CRACD: variants seen among roughly 807,000 people sequenced by gnomAD.
The protein encoded by CRACD is capping protein inhibiting regulator of actin dynamics.
Under a neutral mutation model 106.8 loss-of-function variants are expected in CRACD, and 56 were observed. That is an observed-to-expected ratio of 0.52 (90% CI 0.42 to 0.66). The LOEUF is 0.66. Ranked by LOEUF, CRACD falls within the 30% of genes least tolerant of loss-of-function variation. The pLI is 0.00. For missense variants in CRACD, 1,730 were observed against 1,623.2 expected, an observed-to-expected ratio of 1.07 and a Z score of -1.13; for synonymous variants, 754 against 670.8, an observed-to-expected ratio of 1.12 and a Z score of -1.92.
At chr4:56,199,562 A>G (rs1737783644) in intron 2 of CRACD, among the ~76,000 whole-genome samples, 3 of 151,750 alleles carry the variant, frequency 2.0e-5, no homozygotes, top group Admixed American at 2.0e-4. Flanking sequence ...TGCACCTGTA[A>G]TCCCAGCTAC....
At chr4:56,181,529 T>C (rs1736820198) in intron 2 of CRACD, among the ~76,000 whole-genome samples, 1 of 152,180 alleles carries the variant, frequency 6.6e-6, no homozygotes. Flanking sequence ...ACCATATTAA[T>C]TTGCTAGGAC....
Position 56,301,121 on chromosome 4 carries a change from G to A in CRACD, c.120+2772G>A, listed in dbSNP as rs1744342339. The A allele has an allele frequency of 1.5e-5, 10 of 652,234 alleles. 1 individual carries two copies. The South Asian group carries it at 1.6e-4, about 11-fold the overall frequency. The allele number at this position is 652,234 out of a possible 1,614,324, so 40.4% of individuals were successfully genotyped here. ...ACATAAAAGGCTTTGTTCATTCTTT[G>A]AGGAGGGAAATGGGGACCATTATCA... On this transcript the variant is annotated intron_variant, in intron 4 of 10. Transcript: ENST00000682029.
At chr4:56,236,076 C>CTTA (rs1739951043) in intron 2 of CRACD, among the ~76,000 whole-genome samples, 1 of 152,148 alleles carries the variant, frequency 6.6e-6, no homozygotes, top group Admixed American at 6.5e-5. Flanking sequence ...CAGAATGTGA[C>CTTA]CTTACTTATT....
intron 10 of CRACD, among the ~76,000 whole-genome samples, chr4:56,324,955 T>TTGTA (rs1746333234): frequency 6.6e-6 from 1 of 152,192 alleles, no homozygotes; most frequent in East Asian, 1.9e-4. Context: ...TATACATTAT[T>TTGTA]TGTATGTATT....
At chr4:56,150,393 T>A (rs1345575393) in intron 1 of CRACD, among the ~76,000 whole-genome samples, 2 of 152,198 alleles carry the variant, frequency 1.3e-5, no homozygotes, top group East Asian at 1.9e-4. Context: ...TTTACAATTA[T>A]GAAATATATA....
intron 1 of CRACD, among the ~76,000 whole-genome samples, chr4:56,163,746 G>A (rs905601524): frequency 2.6e-5 from 4 of 150,944 alleles, no homozygotes; most frequent in African/African-American, 9.8e-5. Flanking sequence ...AGTTCTTTGT[G>A]TGTATCTTTT....
chr4:56,252,710 C>G (rs1163471375), intron 2 of CRACD, among the ~76,000 whole-genome samples: 2 of 152,204 alleles, frequency 1.3e-5, no homozygotes, highest in South Asian at 2.1e-4. Context: ...GTGCATATTC[C>G]TCAATACACA....
intron 1 of CRACD, among the ~76,000 whole-genome samples, chr4:56,105,183 A>G (rs960016471): frequency 2.6e-5 from 4 of 152,114 alleles, no homozygotes; most frequent in Admixed American, 6.5e-5. Context: ...TATAAATTCA[A>G]TCTGTTCTCA....
Position 56,327,825 on chromosome 4 carries a change from C to T in CRACD, c.*21C>T. 1.3e-6 allele frequency: 2 copies of T among 1,598,628 alleles called. No individual in the cohort carries two copies. Among genetic ancestry groups the T allele is most frequent in the Non-Finnish European group, 1.7e-6 (2 of 1,169,676 alleles). ...AGTAAAGAGTGACTCTCACCCATCCCTACTGCCAGTTATTGGCTCCTCTCT... is the reference window on the plus strand; with the variant it reads ...AGTAAAGAGTGACTCTCACCCATCCTTACTGCCAGTTATTGGCTCCTCTCT... On this transcript the variant is annotated 3_prime_UTR_variant, in exon 11 of 11. Transcript: ENST00000682029.
At chr4:56,238,590 G>A (rs771351677) in intron 2 of CRACD, among the ~76,000 whole-genome samples, 4 of 152,108 alleles carry the variant, frequency 2.6e-5, no homozygotes, top group Admixed American at 1.3e-4. Flanking sequence ...TGGATATAGC[G>A]GTGCAGCCAT....
chr4:56,193,977 G>A (rs953181759), intron 2 of CRACD, among the ~76,000 whole-genome samples: 1 of 152,012 alleles, frequency 6.6e-6, no homozygotes, highest in African/African-American at 2.4e-5. Context: ...TGGATTAAAT[G>A]GAAAAATATA....
chr4:56,061,605 G>A (rs1560439449), intron 1 of CRACD, among the ~76,000 whole-genome samples: 1 of 152,110 alleles, frequency 6.6e-6, no homozygotes, highest in Non-Finnish European at 1.5e-5. Flanking sequence ...CAGGATCCCT[G>A]CACCGTGGAG....
chr4:56,306,925 A>G (rs768079164), intron 4 of CRACD, among the ~76,000 whole-genome samples: 1 of 152,174 alleles, frequency 6.6e-6, no homozygotes, highest in Admixed American at 6.5e-5. Flanking sequence ...TGATCATGGA[A>G]AGACTTGCTG....
chr4:56,162,799 T>A (rs1736004534), intron 1 of CRACD, among the ~76,000 whole-genome samples: 1 of 152,202 alleles, frequency 6.6e-6, no homozygotes, highest in African/African-American at 2.4e-5. Context: ...AATTTAGAAA[T>A]AATCAGGCAA....
At chr4:56,147,215 G>T (rs1294595623) in intron 1 of CRACD, among the ~76,000 whole-genome samples, 1 of 152,180 alleles carries the variant, frequency 6.6e-6, no homozygotes, top group Non-Finnish European at 1.5e-5. Flanking sequence ...AGATAAGCGA[G>T]CACTGTTCAT....
At chr4:56,068,539 T>C (rs902705090) in intron 1 of CRACD, among the ~76,000 whole-genome samples, 1 of 152,020 alleles carries the variant, frequency 6.6e-6, no homozygotes, top group Non-Finnish European at 1.5e-5. Context: ...AAATGGACTT[T>C]AGGGGAAGGA....
chr4:56,213,699 A>G (rs535569811), intron 2 of CRACD, among the ~76,000 whole-genome samples: 1 of 152,302 alleles, frequency 6.6e-6, no homozygotes, highest in East Asian at 1.9e-4. Flanking sequence ...TGGATTGGTT[A>G]CAGTTTGGCA....
Position 56,327,832 on chromosome 4 carries a change from C to T in CRACD, c.*28C>T, listed in dbSNP as rs1431885267. 2 of 1,584,086 alleles carry T rather than the reference C, an allele frequency of 1.3e-6. No homozygotes were observed. The highest frequency in any genetic ancestry group is 1.7e-6 in the Non-Finnish European group (2 of 1,158,648). Reference sequence around the variant, plus strand: ...AGTGACTCTCACCCATCCCTACTGCCAGTTATTGGCTCCTCTCTTGCCCTT... The same window carrying T: ...AGTGACTCTCACCCATCCCTACTGCTAGTTATTGGCTCCTCTCTTGCCCTT... On this transcript the variant is annotated 3_prime_UTR_variant, in exon 11 of 11. Transcript: ENST00000682029.
chr4:56,200,070 A>G (rs1351075607), intron 2 of CRACD, among the ~76,000 whole-genome samples: 2 of 150,416 alleles, frequency 1.3e-5, no homozygotes, highest in Non-Finnish European at 3.0e-5. Flanking sequence ...AAACAGTTTC[A>G]CCTTTATGTT....
Sources: allele counts gnomAD v4.1 joint callset (sites outside exome capture counted in the v4.1 genomes callset), GRCh38; gene constraint gnomAD v4.1.1; transcripts MANE v1.5; gene names NCBI Gene and HGNC (gene_info 2026-07-23, HGNC 2026-07-21).